Variants in HLA-DRB1 observed in about 807,000 individuals in gnomAD.
HLA-DRB1 encodes major histocompatibility complex, class II, DR beta 1 precursor.
In HLA-DRB1, 10 loss-of-function variants were observed where a neutral mutation model predicts 27.9. The ratio of observed to expected loss-of-function variants is 0.36; its 90% CI spans 0.22 to 0.61. HLA-DRB1 has a LOEUF of 0.61. Ranked by LOEUF, HLA-DRB1 falls within the 20% of genes least tolerant of loss-of-function variation. The pLI is 0.73. For missense variants in HLA-DRB1, 118 were observed against 306.3 expected, an observed-to-expected ratio of 0.39 and a Z score of 4.59; for synonymous variants, 57 against 126.7, an observed-to-expected ratio of 0.45 and a Z score of 3.69.
At chr6:32,587,897 G>A (rs200771744) in intron 1 of HLA-DRB1, among the ~76,000 whole-genome samples, 13,184 of 125,726 alleles carry the variant, frequency 0.1, 18 homozygotes, top group Admixed American at 0.14. Context: ...AACCTAGAAT[G>A]GAGCCCAGTA....
At chr6:32,586,292 C>T (rs191730819) in intron 1 of HLA-DRB1, among the ~76,000 whole-genome samples, 979 of 91,300 alleles carry the variant, frequency 0.011, no homozygotes, top group East Asian at 0.021. Context: ...ACCTTAACCT[C>T]GTCCTCACTT....
intron 2 of HLA-DRB1, among the ~76,000 whole-genome samples, chr6:32,582,578 C>T (rs1327482448): frequency 9.9e-6 from 1 of 101,012 alleles, no homozygotes; most frequent in African/African-American, 3.8e-5. Context: ...GAAGGTGGGA[C>T]AGACAGAAAT....
In HLA-DRB1 at chr6:32,583,812, C is replaced by A. The variant is rs1281323365; in HGVS notation, c.370+297G>T. On this transcript the variant is annotated intron_variant, in intron 2 of 5. Transcript: ENST00000360004. Reference sequence around the variant, plus strand: ...AGCCCCCAGCACCCACCTCCCTTGTCACCTCCCCACAGAGGTCTCCAAGGA... The same window carrying A: ...AGCCCCCAGCACCCACCTCCCTTGTAACCTCCCCACAGAGGTCTCCAAGGA... Among the ~76,000 whole-genome samples, 4 of 79,132 alleles carry A rather than the reference C, an allele frequency of 5.1e-5. 2 individuals are homozygous for A. Among genetic ancestry groups the A allele is most frequent in the African/African-American group, 2.3e-4 (4 of 17,560 alleles). The allele number at this position is 79,132 out of a possible 152,430, so 51.9% of individuals were successfully genotyped here.
chr6:32,581,373 C>T (rs796515783), intron 3 of HLA-DRB1, among the ~76,000 whole-genome samples, 184 bp downstream of exon 3: 1,928 of 59,344 alleles, frequency 0.032, no homozygotes, highest in East Asian at 0.055. Context: ...GAGACTGCTT[C>T]TCCAGGAGGT....
chr6:32,582,056 CT>C (rs1775614533), intron 2 of HLA-DRB1, among the ~76,000 whole-genome samples: 1 of 102,486 alleles, frequency 9.8e-6, no homozygotes, highest in Non-Finnish European at 2.0e-5. Flanking sequence ...GTGTTTGTTT[CT>C]TCATAGTTTT....
chr6:32,582,481 T>C (rs28723997), intron 2 of HLA-DRB1, among the ~76,000 whole-genome samples: 2,253 of 70,628 alleles, frequency 0.032, no homozygotes, highest in Admixed American at 0.058. Flanking sequence ...CAGAGTTGGG[T>C]ACATGAGGAA....
At chr6:32,582,422 C>T in intron 2 of HLA-DRB1, among the ~76,000 whole-genome samples, 1 of 114,710 alleles carries the variant, frequency 8.7e-6, no homozygotes, top group African/African-American at 3.6e-5. Context: ...CATCCTTGTA[C>T]ACCTTGACAG....
exon 6 of HLA-DRB1, chr6:32,578,911 C>T (rs758801058): frequency 4.1e-6 from 2 of 484,290 alleles, no homozygotes; most frequent in Non-Finnish European, 7.7e-6. Flanking sequence ...GCTGGGACTT[C>T]AGGCCAAGGG....
chr6:32,584,536 C>T (rs9269974), intron 1 of HLA-DRB1, among the ~76,000 whole-genome samples, 158 bp from the exon 2 acceptor site: 11,389 of 116,110 alleles, frequency 0.098, 365 homozygotes, highest in Middle Eastern at 0.17. Flanking sequence ...GCTCATCCTC[C>T]GTCTTCCTGA....
intron 5 of HLA-DRB1, 135 bp downstream of exon 5, chr6:32,580,112 A>AC: frequency 6.1e-6 from 1 of 164,274 alleles, no homozygotes. Context: ...CAAAAAAAAA[A>AC]AAAAAAAAAA....
intron 1 of HLA-DRB1, among the ~76,000 whole-genome samples, chr6:32,585,790 G>A (rs865868373): frequency 0.1 from 15,090 of 143,858 alleles, 1,409 homozygotes; most frequent in Non-Finnish European, 0.12. Flanking sequence ...ACTGCAATCT[G>A]ATTTCCAGCA....
At chr6:32,583,120 T>A (rs1192900721) in intron 2 of HLA-DRB1, among the ~76,000 whole-genome samples, 14 of 77,028 alleles carry the variant, frequency 1.8e-4, no homozygotes, top group East Asian at 4.4e-4. Flanking sequence ...AGAAAAATAC[T>A]AAGCCCTCAA....
In HLA-DRB1 at chr6:32,584,171, G is replaced by T. The variant is rs17886882; in HGVS notation, c.308C>A (p.Ala103Glu). The T allele has an allele frequency of 0.37, 297,269 of 808,356 alleles. 81,235 individuals are homozygous for T. The highest frequency in any genetic ancestry group is 0.51 in the East Asian group (11,672 of 23,102). The allele number at this position is 808,356 out of a possible 1,614,324, so 50.1% of individuals were successfully genotyped here. ...GTTGTGTCTGCAGTAGGTGTCCACCGCGGCCCGCGCCTGCTCCAGGATGTC... is the reference window on the plus strand; with the variant it reads ...GTTGTGTCTGCAGTAGGTGTCCACCTCGGCCCGCGCCTGCTCCAGGATGTC... Residue 103 changes from alanine (A) to glutamate (E), a missense_variant, in exon 2 of 6, where the codon GCG (alanine) becomes GAG (glutamate). This residue lies in a region of HLA-DRB1 where 22 missense variants were observed against 21.0 expected (regional missense o/e 1.05). Coordinates refer to ENST00000360004, the Ensembl canonical transcript of HLA-DRB1.
At chr6:32,581,344 TCTCTCCCGCCTG>T (rs1775452044) in intron 3 of HLA-DRB1, among the ~76,000 whole-genome samples, 9 of 61,944 alleles carry the variant, frequency 1.5e-4, no homozygotes, top group East Asian at 4.6e-4. Flanking sequence ...AGAGGGACAG[TCTCTCCCGCCTG>T]GCAGGCGAGA....
rs1291744108 is a variant in HLA-DRB1 at position 32,580,114 on chromosome 6, A to C, written c.787+133T>G. The C allele has an allele frequency of 9.6e-5, 10 of 103,994 alleles. 3 individuals are homozygous for C. The highest frequency in any genetic ancestry group is 8.0e-4 in the African/African-American group (7 of 8,736). 6.4% of individuals were successfully genotyped at this position (103,994 alleles called of 1,614,324 possible). A position where few individuals can be genotyped will look rare whatever the true frequency, so the allele number is the denominator to read the frequency against. ...CGAGACTCCGTCTCAAAAAAAAAAA[A>C]AAAAAAAAAAACAAAAAAAAACCTC... On this transcript the variant is annotated intron_variant, in intron 5 of 5. Transcript: ENST00000360004.
chr6:32,586,022 T>A (rs35577188), intron 1 of HLA-DRB1, among the ~76,000 whole-genome samples: 13,489 of 122,854 alleles, frequency 0.11, 1,809 homozygotes, highest in Non-Finnish European at 0.12. Context: ...GAGTAATAAC[T>A]GGTATATGCT....
At position 32,580,725 on chromosome 6, in the gene HLA-DRB1, CA is replaced by C. The variant is rs775678428; in HGVS notation, c.763+20del. Reference sequence around the variant, plus strand: ...CTCCAGAAAAGCCTATGGAGAGAGCCAGCTCCCAAAGGCTCCTCACCTTTCT... The same window carrying C: ...CTCCAGAAAAGCCTATGGAGAGAGCCGCTCCCAAAGGCTCCTCACCTTTCT... On this transcript the variant is annotated intron_variant, in intron 4 of 5. Coordinates refer to ENST00000360004, the Ensembl canonical transcript of HLA-DRB1. 5.2e-3 allele frequency: 6,980 copies of C among 1,355,126 alleles called. No homozygotes were observed. The highest frequency in any genetic ancestry group is 6.3e-3 in the Non-Finnish European group (6,097 of 975,080). The allele number at this position is 1,355,126 out of a possible 1,614,324, so 83.9% of individuals were successfully genotyped here.
At chr6:32,589,486 T>A (rs28366213) in intron 1 of HLA-DRB1, among the ~76,000 whole-genome samples, 157 bp downstream of exon 1, 860 of 102,706 alleles carry the variant, frequency 8.4e-3, no homozygotes, top group East Asian at 0.044. Flanking sequence ...CCCAAGCTCC[T>A]TTTATGGAGG....
intron 2 of HLA-DRB1, among the ~76,000 whole-genome samples, chr6:32,582,922 T>C (rs28724022): frequency 0.045 from 4,710 of 104,832 alleles, no homozygotes; most frequent in Admixed American, 0.081. Flanking sequence ...AAATGGCAGA[T>C]TTCAGATGGA....
Sources: gnomAD v4.1 joint callset for allele counts (sites outside exome capture counted in the v4.1 genomes callset) on GRCh38, gnomAD v4.1.1 for gene constraint, gnomAD v4.1.1 regional missense constraint, MANE v1.5 for transcripts, NCBI Gene and HGNC (gene_info 2026-07-23, HGNC 2026-07-21) for gene names.